PPP4R1: variants seen among roughly 807,000 people sequenced by gnomAD.
PPP4R1 encodes the protein protein phosphatase 4 regulatory subunit 1, also known as serine/threonine-protein phosphatase 4 regulatory subunit 1.
PPP4R1 carries 42 observed loss-of-function variants against 111.2 expected under a neutral mutation model. That is an observed-to-expected ratio of 0.38 (90% CI 0.29 to 0.49). The LOEUF (loss-of-function observed/expected upper bound fraction) is 0.49. PPP4R1 is among the 20% of genes least tolerant of loss of function. PPP4R1 has a pLI of 0.97. For missense variants in PPP4R1, 1,012 were observed against 1,161.6 expected, an observed-to-expected ratio of 0.87 and a Z score of 1.87; for synonymous variants, 409 against 405.5, an observed-to-expected ratio of 1.01 and a Z score of -0.10.
Position 9,583,780 on chromosome 18 carries a change from T to C in PPP4R1, c.760-505A>G, listed in dbSNP as rs190162239. Among the ~76,000 whole-genome samples the C allele has an allele frequency of 2.6e-5, 4 of 151,800 alleles. No individual in the cohort carries two copies. The East Asian group carries it at 7.7e-4, about 29-fold the overall frequency. On this transcript the variant is annotated intron_variant, in intron 8 of 19. Coordinates refer to ENST00000400556, the MANE Select transcript of PPP4R1 (RefSeq NM_001042388.3). ...TGTCTATTCCTAAAAGTATAAAAAA[T>C]AATGTATCTTAAATTATAAATATAT...
intron 9 of PPP4R1, among the ~76,000 whole-genome samples, chr18:9,582,049 T>C (rs1407661669): frequency 2.6e-5 from 4 of 151,984 alleles, no homozygotes; most frequent in African/African-American, 9.7e-5. Context: ...CTAAATAAAG[T>C]TTTTCGGGTT....
chr18:9,612,419 G>A (rs192221851), intron 2 of PPP4R1: 11 of 152,320 alleles, frequency 7.2e-5, no homozygotes, highest in African/African-American at 2.4e-4. Context: ...AGAGGGCATG[G>A]GTTGTGCCCA....
chr18:9,591,096 C>T (rs1368206102), intron 4 of PPP4R1, among the ~76,000 whole-genome samples: 15 of 151,994 alleles, frequency 9.9e-5, no homozygotes, highest in Admixed American at 9.2e-4. Flanking sequence ...GTCTGTAATA[C>T]CAGCACTTTG....
intron 2 of PPP4R1, among the ~76,000 whole-genome samples, chr18:9,596,480 G>A (rs2067292192): frequency 6.6e-6 from 1 of 152,182 alleles, no homozygotes; most frequent in Non-Finnish European, 1.5e-5. Context: ...TTGGCTCCAT[G>A]AGGACAGAAA....
At chr18:9,579,017 T>C (rs575971871) in intron 9 of PPP4R1, among the ~76,000 whole-genome samples, 2 of 152,306 alleles carry the variant, frequency 1.3e-5, no homozygotes, top group South Asian at 4.1e-4. Context: ...GAGATCACAG[T>C]GTCTAATAAG....
intron 6 of PPP4R1, chr18:9,587,680 A>T (rs1002640903): frequency 1.3e-5 from 2 of 155,838 alleles, no homozygotes; most frequent in Admixed American, 6.5e-5. Flanking sequence ...TGCTGGGATT[A>T]CAGGCATGAG....
At chr18:9,593,743 G>C in intron 4 of PPP4R1, 25 bp downstream of exon 4, 1 of 1,592,994 alleles carries the variant, frequency 6.3e-7, no homozygotes, top group Non-Finnish European at 8.6e-7. Context: ...CTAGAATAGA[G>C]TAAATTCACT....
At chr18:9,601,248 A>C (rs62088880) in intron 2 of PPP4R1, among the ~76,000 whole-genome samples, 24,820 of 149,200 alleles carry the variant, frequency 0.17, 2,876 homozygotes, top group African/African-American at 0.33. Flanking sequence ...ACTGGCCGGG[A>C]ACGGTGGCTC....
At chr18:9,606,209 G>A (rs2067478991) in intron 2 of PPP4R1, among the ~76,000 whole-genome samples, 1 of 152,192 alleles carries the variant, frequency 6.6e-6, no homozygotes, top group South Asian at 2.1e-4. Context: ...ACTGTGTGAT[G>A]AGTCAAGAAT....
chr18:9,592,576 T>C (rs1336429542), intron 4 of PPP4R1, among the ~76,000 whole-genome samples: 1 of 152,154 alleles, frequency 6.6e-6, no homozygotes, highest in Non-Finnish European at 1.5e-5. Context: ...TATGTACTGT[T>C]TGATGTATAC....
intron 9 of PPP4R1, among the ~76,000 whole-genome samples, chr18:9,580,235 A>G (rs2067004295): frequency 6.6e-6 from 1 of 152,206 alleles, no homozygotes; most frequent in Non-Finnish European, 1.5e-5. Context: ...TGAAAATTAT[A>G]AAACAATAAT....
In PPP4R1 at chr18:9,614,173, T is replaced by C. The variant is rs949552424; in HGVS notation, c.52+53A>G. The stretch of plus-strand genomic sequence containing the variant: ...GCCCAGGCCTCGCCGCCGCCCGCCC[T>C]CCCCGGCCGCTCCCCGCGGACTGCC... On this transcript the variant is annotated intron_variant, in intron 2 of 19. Coordinates refer to ENST00000400556, the MANE Select transcript of PPP4R1 (RefSeq NM_001042388.3). This position sits in a 1 kb window ranked among gnomAD's most constrained non-coding sequence, Gnocchi z 4.1. 4 of 1,277,808 alleles carry C rather than the reference T, an allele frequency of 3.1e-6. No individual in the cohort carries two copies. Among genetic ancestry groups the C allele is most frequent in the South Asian group, 2.0e-5 (1 of 50,072 alleles). 79.2% of individuals were successfully genotyped at this position (1,277,808 alleles called of 1,614,324 possible).
In PPP4R1 at chr18:9,588,857, T is replaced by G; in HGVS notation, c.296-4A>C. The G allele has an allele frequency of 1.2e-6, 2 of 1,611,570 alleles. No homozygotes were observed. Among genetic ancestry groups the G allele is most frequent in the Non-Finnish European group, 1.7e-6 (2 of 1,179,264 alleles). On this transcript the variant is annotated splice_region_variant and splice_polypyrimidine_tract_variant and intron_variant, in intron 4 of 19. Transcript: ENST00000400556. ...AGCTCCGCTCTCACAGTTGGTTCTA[T>G]TGAAATAACGGCAATGTGAGCAAAC...
intron 14 of PPP4R1, 117 bp downstream of exon 14, chr18:9,559,302 T>C (rs1489989971): frequency 9.6e-7 from 1 of 1,037,296 alleles, no homozygotes; most frequent in African/African-American, 1.6e-5. Context: ...CCATACATAA[T>C]TTCCTATAAC....
intron 12 of PPP4R1, chr18:9,562,981 G>T (rs149020732): frequency 1.0e-6 from 1 of 997,152 alleles, no homozygotes; most frequent in Non-Finnish European, 1.2e-6. Context: ...CTCAAGTCCC[G>T]ATCTTCTGCT....
rs368247132 is a variant in PPP4R1 at position 9,588,038 on chromosome 18, A to G, written c.585+51T>C. 1.6e-4 allele frequency: 254 copies of G among 1,603,666 alleles called. No individual in the cohort carries two copies. In the African/African-American group the frequency reaches 3.0e-3, roughly 19 times the overall value. On this transcript the variant is annotated intron_variant, in intron 6 of 19. Coordinates refer to ENST00000400556, the MANE Select transcript of PPP4R1 (RefSeq NM_001042388.3). ...AACCCCGGCCTGACTTTTAATAAGC[A>G]CCTCTTATCAGCCACATTTTGCATA...
chr18:9,566,648 G>GACACACACACACACAC (rs56772611), intron 11 of PPP4R1, among the ~76,000 whole-genome samples: 1 of 144,122 alleles, frequency 6.9e-6, no homozygotes, highest in African/African-American at 2.6e-5. Context: ...GAGGCGCTGT[G>GACACACACACACACAC]ACACACACAC....
At position 9,547,685 on chromosome 18, in the gene PPP4R1, A is replaced by G; in HGVS notation, c.*104T>C. 1 of 1,373,628 alleles carries G rather than the reference A, an allele frequency of 7.3e-7. No homozygotes were observed. Among genetic ancestry groups the G allele is most frequent in the Non-Finnish European group, 1.0e-6 (1 of 990,012 alleles). 85.1% of individuals were successfully genotyped at this position (1,373,628 alleles called of 1,614,324 possible). On this transcript the variant is annotated 3_prime_UTR_variant, in exon 20 of 20. Transcript: ENST00000400556. ...CCTGCAATGAAGTCCGCAGGAGAGG[A>G]AGGTCTCTCCTCCCCCGAAAGCTAT...
At chr18:9,566,094 A>G (rs189155195) in intron 11 of PPP4R1, among the ~76,000 whole-genome samples, 207 of 151,932 alleles carry the variant, frequency 1.4e-3, no homozygotes, top group African/African-American at 4.7e-3. Context: ...TATTATTAGT[A>G]GAGACAGGGT....
Sources: gnomAD v4.1 joint callset for allele counts (sites outside exome capture counted in the v4.1 genomes callset) on GRCh38, gnomAD v4.1.1 for gene constraint, Gnocchi (gnomAD v3.1) non-coding constraint, MANE v1.5 for transcripts, NCBI Gene and HGNC (gene_info 2026-07-23, HGNC 2026-07-21) for gene names.